The following DMXL1 variants were observed in gnomAD, a reference collection of about 807,000 sequenced individuals.
DMXL1 encodes Dmx like 1.
A neutral mutation model predicts 319.2 loss-of-function variants in DMXL1; 99 were observed. The observed-to-expected ratio is 0.31, with a 90% confidence interval of 0.26 to 0.37. The LOEUF (loss-of-function observed/expected upper bound fraction) is 0.37. DMXL1 is among the 10% of genes least tolerant of loss of function. The pLI is 1.00. For missense variants in DMXL1, 3,745 were observed against 3,595.6 expected, an observed-to-expected ratio of 1.04 and a Z score of -1.06; for synonymous variants, 1,385 against 1,235.2, an observed-to-expected ratio of 1.12 and a Z score of -2.54.
chr5:119,073,355 C>T (rs926927638), intron 1 of DMXL1, among the ~76,000 whole-genome samples: 2 of 152,194 alleles, frequency 1.3e-5, no homozygotes, highest in Non-Finnish European at 2.9e-5. Flanking sequence ...AGCCACCATG[C>T]CCAGCCCTAA....
chr5:119,167,425 G>T (rs1019204491), intron 22 of DMXL1, among the ~76,000 whole-genome samples, 178 bp from the exon 23 acceptor site: 1 of 152,128 alleles, frequency 6.6e-6, no homozygotes, highest in African/African-American at 2.4e-5. Flanking sequence ...ATTAAATGTT[G>T]TCAAGTAGAT....
intron 10 of DMXL1, among the ~76,000 whole-genome samples, chr5:119,130,101 T>A (rs1764504292): frequency 6.6e-6 from 1 of 151,562 alleles, no homozygotes; most frequent in African/African-American, 2.4e-5. Context: ...TTTTTTTTTT[T>A]AAAGTTTTGT....
intron 5 of DMXL1, among the ~76,000 whole-genome samples, chr5:119,112,291 A>G (rs1759811441): frequency 6.6e-6 from 1 of 152,212 alleles, no homozygotes; most frequent in Non-Finnish European, 1.5e-5. Flanking sequence ...ACATTTTGGA[A>G]GTATGATTCA....
At chr5:119,230,621 G>A (rs1031962965) in intron 38 of DMXL1, among the ~76,000 whole-genome samples, 11 of 152,288 alleles carry the variant, frequency 7.2e-5, no homozygotes, top group African/African-American at 2.2e-4. Context: ...AGTGGCTCAC[G>A]CCTGTAATCC....
intron 38 of DMXL1, among the ~76,000 whole-genome samples, chr5:119,228,784 A>G (rs190028445): frequency 6.6e-6 from 1 of 152,308 alleles, no homozygotes. Context: ...ACTTGATTAT[A>G]GTAAGGTTAC....
intron 28 of DMXL1, among the ~76,000 whole-genome samples, chr5:119,186,627 A>G (rs903652169): frequency 6.6e-6 from 1 of 152,220 alleles, no homozygotes; most frequent in African/African-American, 2.4e-5. Context: ...ACAGCAATAT[A>G]TGTGTGTGGT....
At chr5:119,100,989 G>T (rs1272095782) in intron 2 of DMXL1, among the ~76,000 whole-genome samples, 1 of 151,896 alleles carries the variant, frequency 6.6e-6, no homozygotes, top group East Asian at 1.9e-4. Flanking sequence ...CACCGTGTTA[G>T]CCAGGATGGA....
Position 119,189,900 on chromosome 5 carries a change from T to C in DMXL1, c.7314+14T>C. The C allele has an allele frequency of 6.3e-7, 1 of 1,593,108 alleles. No homozygotes were observed. The highest frequency in any genetic ancestry group is 8.6e-7 in the Non-Finnish European group (1 of 1,164,904). ...TTCATAGCTAAGGTAATTAAAATGC[T>C]ATCTAGATCAATATTTTCATAGTCA... On this transcript the variant is annotated intron_variant, in intron 29 of 43. Coordinates refer to ENST00000539542, the MANE Select transcript of DMXL1 (RefSeq NM_001290321.3).
At chr5:119,104,541 C>G (rs536425717) in intron 3 of DMXL1, among the ~76,000 whole-genome samples, 42 of 152,238 alleles carry the variant, frequency 2.8e-4, no homozygotes, top group Non-Finnish European at 5.1e-4. Flanking sequence ...GCTGTGAACT[C>G]AACTTAGTGT....
At chr5:119,145,788 T>C (rs1768392467) in intron 15 of DMXL1, among the ~76,000 whole-genome samples, 1 of 151,746 alleles carries the variant, frequency 6.6e-6, no homozygotes, top group African/African-American at 2.4e-5. Context: ...AAAACTATTA[T>C]GTTCATTATT....
At chr5:119,205,857 A>G (rs1781652108) in intron 33 of DMXL1, among the ~76,000 whole-genome samples, 1 of 152,116 alleles carries the variant, frequency 6.6e-6, no homozygotes. Context: ...TTTTTCTAAA[A>G]TGATGATTAT....
Position 119,234,293 on chromosome 5 carries a change from A to G in DMXL1, c.8466+826A>G, listed in dbSNP as rs116603798. Among the ~76,000 whole-genome samples the G allele has an allele frequency of 3.5e-3, 535 of 152,182 alleles. 3 individuals are homozygous for G. Among genetic ancestry groups the G allele is most frequent in the Middle Eastern group, 0.01 (3 of 294 alleles). On this transcript the variant is annotated intron_variant, in intron 39 of 43. Transcript: ENST00000539542. ...GCCCAAACTGCCTCTTTTTGCTCCT[A>G]ATATGTTATTAGCCCTTTACAAAAT...
chr5:119,244,574 A>G lies in DMXL1; in HGVS notation c.8920A>G (p.Lys2974Glu). The G allele has an allele frequency of 6.2e-7, 1 of 1,613,218 alleles. No individual in the cohort carries two copies. The change falls in exon 43 of 44, where the codon AAG (lysine) becomes GAG (glutamate). Residue 2974 changes from lysine to glutamate, a missense_variant and splice_region_variant. By Grantham distance (56) the Lys-to-Glu change is moderately conservative (BLOSUM62 1). Coordinates refer to ENST00000539542, the MANE Select transcript of DMXL1 (RefSeq NM_001290321.3). ...TACAGGATCTGCCGAAGGCAATATA[A>G]AGGTAAACACAGTTGATGCCACAAC... The part of the protein sequence containing the change: ...FVTGSAEGNI[K>E]IWSLSTFGLL...
At chr5:119,115,672 T>C (rs1760682471) in intron 6 of DMXL1, among the ~76,000 whole-genome samples, 1 of 152,174 alleles carries the variant, frequency 6.6e-6, no homozygotes, top group Non-Finnish European at 1.5e-5. Flanking sequence ...TGACTATAAA[T>C]TTGATTGTAC....
In DMXL1 at chr5:119,223,199, G is replaced by T. The variant is rs554781069; in HGVS notation, c.8278-1510G>T. On this transcript the variant is annotated intron_variant, in intron 37 of 43. Coordinates refer to ENST00000539542, the MANE Select transcript of DMXL1 (RefSeq NM_001290321.3). Reference sequence around the variant, plus strand: ...AGCCTCCCTAGTAGCTGGGATTACAGGCATGCACTACCATGCCCGGCTAAT... The same window carrying T: ...AGCCTCCCTAGTAGCTGGGATTACATGCATGCACTACCATGCCCGGCTAAT... 2.6e-5 allele frequency among the ~76,000 whole-genome samples: 4 copies of T among 151,900 alleles called. No homozygotes were observed. In the East Asian group the frequency reaches 7.8e-4, roughly 30 times the overall value.
At chr5:119,209,121 T>G (rs1264710874) in intron 34 of DMXL1, among the ~76,000 whole-genome samples, 3 of 152,336 alleles carry the variant, frequency 2.0e-5, no homozygotes, top group Admixed American at 6.5e-5. Context: ...ACACTTGAGC[T>G]GATTTTATTT....
chr5:119,116,382 C>T, intron 7 of DMXL1, 46 bp downstream of exon 7: 2 of 1,561,548 alleles, frequency 1.3e-6, no homozygotes, highest in African/African-American at 1.4e-5. Context: ...GGAGCATCAT[C>T]TTTGTTACTT....
At position 119,129,373 on chromosome 5, in the gene DMXL1, C is replaced by T. The variant is rs1764301912; in HGVS notation, c.1265C>T (p.Ser422Phe). 6.2e-7 allele frequency: 1 copy of T among 1,613,638 alleles called. No homozygotes were observed. The highest frequency in any genetic ancestry group is 1.3e-5 in the African/African-American group (1 of 74,898). Reference sequence around the variant, plus strand: ...AGAAAAAGTTTTGAACAACCATCTTCTGAGGCCAGTGTAGAAGATTCTAAT... The same window carrying T: ...AGAAAAAGTTTTGAACAACCATCTTTTGAGGCCAGTGTAGAAGATTCTAAT... ...QLRKSFEQPS[S>F]EASVEDSNQA... The change falls in exon 10 of 44, where the codon TCT becomes TTT. Residue 422 changes from serine to phenylalanine, a missense_variant. Physicochemically the swap from Ser to Phe is radical, Grantham distance 155. Coordinates refer to ENST00000539542, the MANE Select transcript of DMXL1 (RefSeq NM_001290321.3).
intron 38 of DMXL1, among the ~76,000 whole-genome samples, chr5:119,225,491 C>T (rs1227194178): frequency 1.3e-5 from 2 of 151,794 alleles, no homozygotes; most frequent in African/African-American, 4.8e-5. Context: ...GTCAAATTGT[C>T]CTACTACATA....
Sources: allele counts gnomAD v4.1 joint callset (sites outside exome capture counted in the v4.1 genomes callset), GRCh38; gene constraint gnomAD v4.1.1; transcripts MANE v1.5; gene names NCBI Gene and HGNC (gene_info 2026-07-23, HGNC 2026-07-21).